PRKG1: variants seen among roughly 807,000 people sequenced by gnomAD.
PRKG1 encodes the protein cGMP-dependent protein kinase 1.
A neutral mutation model predicts 88.1 loss-of-function variants in PRKG1; 35 were observed. That is an observed-to-expected ratio of 0.40 (90% CI 0.30 to 0.53). PRKG1 has a LOEUF of 0.53. PRKG1 is among the 20% of genes least tolerant of loss of function. The pLI, the probability that PRKG1 is intolerant of heterozygous loss-of-function variation, is 0.59. For synonymous variants in PRKG1, 303 were observed against 292.5 expected, an observed-to-expected ratio of 1.04 and a Z score of -0.37; for missense variants, 540 against 839.8, an observed-to-expected ratio of 0.64 and a Z score of 4.41.
rs1480715274 is a variant in PRKG1 at position 51,602,752 on chromosome 10, G to A, written c.592+134916G>A. Among the ~76,000 whole-genome samples, 35 of 129,912 alleles carry A rather than the reference G, an allele frequency of 2.7e-4. 1 individual carries two copies. The highest frequency in any genetic ancestry group is 3.6e-4 in the Non-Finnish European group (23 of 64,536). 85.2% of individuals were successfully genotyped at this position (129,912 alleles called of 152,430 possible). A position where few individuals can be genotyped will look rare whatever the true frequency, so the allele number is the denominator to read the frequency against. On this transcript the variant is annotated intron_variant, in intron 3 of 17. Transcript: ENST00000373980. ...TATATATGTGTGTGTGTGTGTGTGT[G>A]TGTGTGTGTGTGTGTGTGTGTGTGT...
In PRKG1 at chr10:51,413,833, G is replaced by GT. The variant is rs1444066196; in HGVS notation, c.479-53883dup. 4.6e-5 allele frequency among the ~76,000 whole-genome samples: 7 copies of GT among 152,232 alleles called. No homozygotes were observed. The South Asian group carries it at 6.2e-4, about 14-fold the overall frequency. On this transcript the variant is annotated intron_variant, in intron 2 of 17. Coordinates refer to ENST00000373980, the MANE Select transcript of PRKG1 (RefSeq NM_006258.4). ...AACTTTTGCTGCATTTCTTTCATTA[G>GT]TTTTTTTGTTTCTTTGCTGAGTTCT...
At chr10:51,299,544 A>C in intron 2 of PRKG1, 1 of 470,036 alleles carries the variant, frequency 2.1e-6, no homozygotes, top group South Asian at 1.5e-5. Flanking sequence ...CTTTGGTAGA[A>C]CTTTCACAGC....
At position 51,556,063 on chromosome 10, in the gene PRKG1, G is replaced by A. The variant is rs1037863665; in HGVS notation, c.592+88227G>A. ...TAGAGGGAGAGAACAAGGGAGGGAAGGAAGAAGTGAGTAAGAAAGAAAGCA... is the reference window on the plus strand; with the variant it reads ...TAGAGGGAGAGAACAAGGGAGGGAAAGAAGAAGTGAGTAAGAAAGAAAGCA... On this transcript the variant is annotated intron_variant, in intron 3 of 17. Coordinates refer to ENST00000373980, the MANE Select transcript of PRKG1 (RefSeq NM_006258.4). Among the ~76,000 whole-genome samples the A allele has an allele frequency of 7.9e-5, 12 of 152,036 alleles. No individual in the cohort carries two copies. In the East Asian group the frequency reaches 1.7e-3, roughly 22 times the overall value.
intron 1 of PRKG1, among the ~76,000 whole-genome samples, chr10:51,005,768 A>G (rs1055353485): frequency 6.6e-6 from 1 of 152,210 alleles, no homozygotes; most frequent in Non-Finnish European, 1.5e-5. Flanking sequence ...GAATTGCTGG[A>G]AGAGCTGCTC....
At chr10:51,841,960 G>A (rs1375239454) in intron 4 of PRKG1, among the ~76,000 whole-genome samples, 1 of 152,202 alleles carries the variant, frequency 6.6e-6, no homozygotes, top group Non-Finnish European at 1.5e-5. Flanking sequence ...TGGAATTATA[G>A]GCATGGGCCA....
chr10:52,204,093 TATTATTATTATTA>T (rs1839747092), intron 9 of PRKG1, among the ~76,000 whole-genome samples: 2 of 69,878 alleles, frequency 2.9e-5, no homozygotes, highest in African/African-American at 6.5e-5. Context: ...TTATTATTAT[TATTATTATTATTA>T]TTTTTTGTTT....
chr10:51,016,565 T>G (rs1780060693), intron 1 of PRKG1, among the ~76,000 whole-genome samples: 1 of 151,978 alleles, frequency 6.6e-6, no homozygotes, highest in Non-Finnish European at 1.5e-5. Context: ...TTGAGAAGTA[T>G]TTAAACATTT....
chr10:52,082,818 T>C (rs546922927), intron 7 of PRKG1, among the ~76,000 whole-genome samples: 106 of 152,292 alleles, frequency 7.0e-4, no homozygotes, highest in African/African-American at 2.5e-3. Flanking sequence ...TAGGAACATA[T>C]AGTATATTTT....
rs1846135649 is a variant in PRKG1, at chr10:52,057,389, A to G, written c.840+2828A>G. Among the ~76,000 whole-genome samples, 4 of 152,190 alleles carry G rather than the reference A, an allele frequency of 2.6e-5. No homozygotes were observed. The South Asian group carries it at 8.3e-4, about 31-fold the overall frequency. ...AAAATACTGGTGCTGCCTTAAGTAG[A>G]AGCTCAGTTAGTTCTCTACACTTCA... On this transcript the variant is annotated intron_variant, in intron 6 of 17. Transcript: ENST00000373980.
chr10:52,033,954 G>A (rs1414078592), intron 5 of PRKG1, among the ~76,000 whole-genome samples: 2 of 135,642 alleles, frequency 1.5e-5, no homozygotes, highest in Non-Finnish European at 3.2e-5. Context: ...AGGCAGCAGT[G>A]GGGGTCGCAA....
At chr10:51,759,565 C>T (rs1316545497) in intron 3 of PRKG1, among the ~76,000 whole-genome samples, 7 of 152,124 alleles carry the variant, frequency 4.6e-5, no homozygotes, top group Admixed American at 2.0e-4. Context: ...TGAGACACCA[C>T]GCCTGGCCTG....
intron 1 of PRKG1, among the ~76,000 whole-genome samples, chr10:51,053,499 C>A (rs544159506): frequency 6.6e-6 from 1 of 152,236 alleles, no homozygotes; most frequent in African/African-American, 2.4e-5. Context: ...GTATCCTGGG[C>A]CATTCCTGTC....
At chr10:52,155,857 C>A (rs955447372) in intron 8 of PRKG1, among the ~76,000 whole-genome samples, 2 of 151,868 alleles carry the variant, frequency 1.3e-5, no homozygotes, top group African/African-American at 4.8e-5. Flanking sequence ...TTTATATGGA[C>A]ATATTAGACA....
chr10:51,687,367 T>C (rs1341978159), intron 3 of PRKG1, among the ~76,000 whole-genome samples: 1 of 152,196 alleles, frequency 6.6e-6, no homozygotes, highest in Non-Finnish European at 1.5e-5. Flanking sequence ...TTTTTGACAC[T>C]TTAGAATACT....
intron 2 of PRKG1, among the ~76,000 whole-genome samples, chr10:51,433,760 A>G (rs1195942560): frequency 1.3e-5 from 2 of 152,172 alleles, no homozygotes; most frequent in African/African-American, 4.8e-5. Flanking sequence ...AATGTTTTAA[A>G]TTAATAACAT....
intron 2 of PRKG1, among the ~76,000 whole-genome samples, chr10:51,450,807 C>T (rs1839413355): frequency 6.7e-6 from 1 of 149,758 alleles, no homozygotes; most frequent in South Asian, 2.1e-4. Flanking sequence ...AAGGCTGGAA[C>T]TTGAATGAGT....
intron 2 of PRKG1, among the ~76,000 whole-genome samples, chr10:51,353,236 C>CA (rs1842292169): frequency 6.6e-6 from 1 of 152,138 alleles, no homozygotes; most frequent in Admixed American, 6.6e-5. Context: ...TTGATCTGGG[C>CA]AAAACATTTC....
intron 2 of PRKG1, among the ~76,000 whole-genome samples, chr10:51,250,957 G>A (rs189671352): frequency 2.8e-3 from 430 of 151,842 alleles, no homozygotes; most frequent in African/African-American, 9.9e-3. Context: ...AACTAGAGCT[G>A]CGATGTTTTC....
chr10:51,007,749 A>G (rs1311509903), intron 1 of PRKG1, among the ~76,000 whole-genome samples: 1 of 152,228 alleles, frequency 6.6e-6, no homozygotes, highest in South Asian at 2.1e-4. Flanking sequence ...TAGTTTTAAT[A>G]TTAGTGTTTT....
Sources: allele counts gnomAD v4.1 joint callset (sites outside exome capture counted in the v4.1 genomes callset), GRCh38; gene constraint gnomAD v4.1.1; transcripts MANE v1.5; gene names NCBI Gene and HGNC (gene_info 2026-07-23, HGNC 2026-07-21).